The following TEAD1 variants were observed in gnomAD, a reference collection of about 807,000 sequenced individuals.
TEAD1 encodes the protein transcriptional enhancer factor TEF-1.
TEAD1 carries 9 observed loss-of-function variants against 54.9 expected under a neutral mutation model. The observed-to-expected ratio is 0.16, with a 90% CI of 0.10 to 0.29. The LOEUF (loss-of-function observed/expected upper bound fraction) is 0.29, where lower values mean the gene tolerates loss of function less well. Among genes scored for constraint, TEAD1 ranks in the 10% least tolerant of loss-of-function variants. TEAD1 has a pLI of 1.00. For synonymous variants in TEAD1, 200 were observed against 187.8 expected (o/e 1.07, Z -0.53); for missense variants, 387 against 535.9 (o/e 0.72, Z 2.74).
chr11:12,904,301 T>G (rs149147629), intron 10 of TEAD1, among the ~76,000 whole-genome samples: 1 of 152,318 alleles, frequency 6.6e-6, no homozygotes, highest in African/African-American at 2.4e-5. Flanking sequence ...TGACATTATT[T>G]GTTGCCAAAG....
chr11:12,834,997 A>AT (rs1221293566), intron 3 of TEAD1, among the ~76,000 whole-genome samples: 2 of 152,066 alleles, frequency 1.3e-5, no homozygotes, highest in African/African-American at 2.4e-5. Flanking sequence ...GAGTTTTGTG[A>AT]TTTTTTTATA....
At position 12,842,713 on chromosome 11, in the gene TEAD1, T is replaced by C. The variant is rs145534630; in HGVS notation, c.203-19537T>C. ...ATCGTGTTTATGCCTGCCTGCCTTG[T>C]CCAATAAGTGAATTTTTTTTTATTA... On this transcript the variant is annotated intron_variant, in intron 3 of 12. Transcript: ENST00000527636. 8.2e-4 allele frequency among the ~76,000 whole-genome samples: 125 copies of C among 152,308 alleles called. No homozygotes were observed. In the East Asian group the frequency reaches 0.021, roughly 25 times the overall value.
chr11:12,923,567 C>T (rs2727399), intron 10 of TEAD1, among the ~76,000 whole-genome samples: 121,329 of 152,142 alleles, frequency 0.8, 48,541 homozygotes, highest in East Asian at 0.97. Context: ...TTGGTAGATA[C>T]TTGAGGGAAG....
rs140868723 is a variant in TEAD1, at chr11:12,888,280, G to A, written c.699+5155G>A. ...TCCCAGCACTTTGGGAGGCCAAGGC[G>A]GGTGGGTCACTTGAGGCCAGAAGTT... is the stretch of plus-strand genomic sequence containing the variant. On this transcript the variant is annotated intron_variant, in intron 9 of 12. Coordinates refer to ENST00000527636, the MANE Select transcript of TEAD1 (RefSeq NM_021961.6). 4.0e-3 allele frequency among the ~76,000 whole-genome samples: 603 copies of A among 152,302 alleles called. 4 individuals carry two copies. The highest frequency in any genetic ancestry group is 0.014 in the African/African-American group (564 of 41,560).
At chr11:12,697,778 C>A (rs561619856) in intron 2 of TEAD1, among the ~76,000 whole-genome samples, 1 of 152,210 alleles carries the variant, frequency 6.6e-6, no homozygotes, top group African/African-American at 2.4e-5. Flanking sequence ...AATCCCAGCA[C>A]TTGGGAGGCC....
In TEAD1 at chr11:12,676,339, C is replaced by T. The variant is rs999751066; in HGVS notation, c.-55+778C>T. Among the ~76,000 whole-genome samples the T allele has an allele frequency of 2.0e-5, 3 of 152,322 alleles. No individual in the cohort carries two copies. In the South Asian group the frequency reaches 6.2e-4, roughly 32 times the overall value. On this transcript the variant is annotated intron_variant, in intron 2 of 12. Coordinates refer to ENST00000527636, the MANE Select transcript of TEAD1 (RefSeq NM_021961.6). ...ACCTGAGTAGACATATCCCTCCCTT[C>T]AGGGAGATGTGATCCACTGTGTAGT...
At chr11:12,744,843 A>G (rs1045312319) in intron 2 of TEAD1, among the ~76,000 whole-genome samples, 2 of 152,234 alleles carry the variant, frequency 1.3e-5, no homozygotes, top group African/African-American at 4.8e-5. Flanking sequence ...GGCCTAGGTC[A>G]GCCTCCTCGC....
At chr11:12,804,645 C>G (rs1259346933) in intron 3 of TEAD1, among the ~76,000 whole-genome samples, 1 of 152,142 alleles carries the variant, frequency 6.6e-6, no homozygotes, top group Non-Finnish European at 1.5e-5. Context: ...CGAGTGTTAC[C>G]TCGGAGTGTG....
At chr11:12,898,394 A>G (rs1948354891) in intron 9 of TEAD1, among the ~76,000 whole-genome samples, 1 of 148,558 alleles carries the variant, frequency 6.7e-6, no homozygotes, top group African/African-American at 2.5e-5. Context: ...ATTGAACATG[A>G]ACACTTTTTT....
chr11:12,936,749 A>G (rs1949107819), intron 12 of TEAD1, among the ~76,000 whole-genome samples: 1 of 152,216 alleles, frequency 6.6e-6, no homozygotes, highest in South Asian at 2.1e-4. Flanking sequence ...AAAATAAGAC[A>G]ATTTCTTAGA....
At chr11:12,820,446 T>C (rs949964308) in intron 3 of TEAD1, among the ~76,000 whole-genome samples, 2 of 150,868 alleles carry the variant, frequency 1.3e-5, no homozygotes, top group Non-Finnish European at 2.9e-5. Context: ...CCCCAAAGCG[T>C]TCTCCTTCTC....
chr11:12,744,229 C>T (rs1371075814), intron 2 of TEAD1, among the ~76,000 whole-genome samples: 1 of 152,144 alleles, frequency 6.6e-6, no homozygotes, highest in Non-Finnish European at 1.5e-5. Context: ...GGCGCACAGC[C>T]TCTGTCTTCA....
chr11:12,879,928 T>G (rs1947931671), intron 6 of TEAD1, 86 bp downstream of exon 6: 1 of 1,593,546 alleles, frequency 6.3e-7, no homozygotes, highest in Non-Finnish European at 8.6e-7. Flanking sequence ...CTCCATTTCT[T>G]GTCATGTGGG....
chr11:12,851,702 A>C (rs1036431013), intron 3 of TEAD1, among the ~76,000 whole-genome samples: 4 of 152,076 alleles, frequency 2.6e-5, no homozygotes, highest in African/African-American at 4.8e-5. Context: ...TGGGAAGTTG[A>C]GGCAGGAGAA....
intron 3 of TEAD1, among the ~76,000 whole-genome samples, chr11:12,773,898 T>C (rs1945364085): frequency 6.6e-6 from 1 of 152,206 alleles, no homozygotes; most frequent in Non-Finnish European, 1.5e-5. Flanking sequence ...CTCCTGTGTC[T>C]TGTTCTAAGA....
intron 2 of TEAD1, among the ~76,000 whole-genome samples, chr11:12,739,530 C>A (rs1239537087): frequency 6.6e-6 from 1 of 152,166 alleles, no homozygotes; most frequent in Non-Finnish European, 1.5e-5. Flanking sequence ...TGGAATCCTA[C>A]TGTATTTGTC....
intron 3 of TEAD1, among the ~76,000 whole-genome samples, chr11:12,842,511 C>T (rs1947061812): frequency 6.6e-6 from 1 of 152,150 alleles, no homozygotes; most frequent in Non-Finnish European, 1.5e-5. Flanking sequence ...TTAGCCTGTC[C>T]TGTAAATTCA....
rs868060188 is a variant in TEAD1 at position 12,901,961 on chromosome 11, C to A, written c.721C>A (p.His241Asn). The A allele has an allele frequency of 5.0e-6, 8 of 1,614,088 alleles. No individual in the cohort carries two copies. Among genetic ancestry groups the A allele is most frequent in the Non-Finnish European group, 5.9e-6 (7 of 1,180,036 alleles). Residue 241 changes from histidine (H) to asparagine (N), a missense_variant, in exon 10 of 13, where the codon CAC becomes AAC. By Grantham distance (68) the His-to-Asn change is moderately conservative (BLOSUM62 1). This residue lies in a region of TEAD1 where 180 missense variants were observed against 180.6 expected (regional missense o/e 1.00). Transcript: ENST00000527636. ...ACAGTACAACAAACACCTCTTCGTGCACATTGGGCATGCCAACCATTCTTA... is the reference window on the plus strand; with the variant it reads ...ACAGTACAACAAACACCTCTTCGTGAACATTGGGCATGCCAACCATTCTTA...
chr11:12,817,927 C>A (rs573204451), intron 3 of TEAD1, among the ~76,000 whole-genome samples: 1 of 152,182 alleles, frequency 6.6e-6, no homozygotes, highest in African/African-American at 2.4e-5. Context: ...AGGTTTCTTA[C>A]CCACACATTG....
Sources: allele counts gnomAD v4.1 joint callset (sites outside exome capture counted in the v4.1 genomes callset), GRCh38; gene constraint gnomAD v4.1.1; regional missense constraint gnomAD v4.1.1; transcripts MANE v1.5; gene names NCBI Gene and HGNC (gene_info 2026-07-23, HGNC 2026-07-21).